The following IPCEF1 variants were observed in gnomAD, a reference collection of about 807,000 sequenced individuals.
IPCEF1 encodes the protein interaction protein for cytohesin exchange factors 1.
In IPCEF1, 31 loss-of-function variants were observed where a neutral mutation model predicts 50.9. The ratio of observed to expected loss-of-function variants is 0.61; its 90% confidence interval spans 0.46 to 0.82. The LOEUF (loss-of-function observed/expected upper bound fraction) is 0.82. Among genes scored for constraint, IPCEF1 ranks in the 40% least tolerant of loss-of-function variants. The pLI is 0.00. For synonymous variants in IPCEF1, 181 were observed against 192.0 expected (o/e 0.94, Z 0.47); for missense variants, 458 against 514.0 (o/e 0.89, Z 1.05).
At chr6:154,329,805 A>G (rs1437432267) in intron 1 of IPCEF1, among the ~76,000 whole-genome samples, 4 of 152,212 alleles carry the variant, frequency 2.6e-5, no homozygotes, top group Non-Finnish European at 5.9e-5. Context: ...ATGCTTCCAA[A>G]AAGTGAGAGA....
intron 1 of IPCEF1, among the ~76,000 whole-genome samples, chr6:154,296,271 G>T (rs1782654853): frequency 6.6e-6 from 1 of 152,144 alleles, no homozygotes; most frequent in African/African-American, 2.4e-5. Context: ...CCAGAGGCAG[G>T]GGAAGAGCTG....
intron 11 of IPCEF1, among the ~76,000 whole-genome samples, chr6:154,161,013 C>G (rs1798969592): frequency 6.6e-6 from 1 of 152,144 alleles, no homozygotes; most frequent in South Asian, 2.1e-4. Flanking sequence ...TTTGTTGATA[C>G]TCTGCTTCCT....
chr6:154,315,834 G>C (rs922689452), intron 1 of IPCEF1, among the ~76,000 whole-genome samples: 2 of 151,752 alleles, frequency 1.3e-5, no homozygotes, highest in African/African-American at 2.4e-5. Flanking sequence ...ATTTTTTTTG[G>C]GGGGGAGCGG....
chr6:154,212,953 C>A lies in IPCEF1; in HGVS notation c.452-98G>T, dbSNP rs148122571. 3.9e-5 allele frequency: 32 copies of A among 812,072 alleles called. No individual in the cohort carries two copies. In the African/African-American group the frequency reaches 4.6e-4, roughly 12 times the overall value. 50.3% of individuals were successfully genotyped at this position (812,072 alleles called of 1,614,324 possible). A position where few individuals can be genotyped will look rare whatever the true frequency, so the allele number is the denominator to read the frequency against. On this transcript the variant is annotated intron_variant, in intron 8 of 11. Transcript: ENST00000367220. The stretch of plus-strand genomic sequence containing the variant: ...TATCTCCATCTGGCTATTGCAATTT[C>A]AATCCAATTCAGAAAGTTCATATCT...
At chr6:154,339,423 T>C (rs1475891993) in intron 1 of IPCEF1, among the ~76,000 whole-genome samples, 2 of 151,274 alleles carry the variant, frequency 1.3e-5, no homozygotes, top group Non-Finnish European at 2.9e-5. Flanking sequence ...ACTTTTATCT[T>C]TTTTTAATCT....
intron 3 of IPCEF1, 32 bp downstream of exon 3, chr6:154,265,880 C>A: frequency 6.6e-7 from 1 of 1,517,180 alleles, no homozygotes; most frequent in Non-Finnish European, 9.0e-7. Context: ...CTGACAATAT[C>A]TAAAGCCTGG....
At chr6:154,211,241 C>A (rs1204261097) in intron 9 of IPCEF1, among the ~76,000 whole-genome samples, 1 of 151,934 alleles carries the variant, frequency 6.6e-6, no homozygotes, top group Non-Finnish European at 1.5e-5. Flanking sequence ...ACGGTGAAAT[C>A]CCGTCTCTAC....
intron 1 of IPCEF1, among the ~76,000 whole-genome samples, chr6:154,350,512 A>T (rs370543686): frequency 7.9e-5 from 12 of 152,264 alleles, no homozygotes; most frequent in African/African-American, 2.7e-4. Context: ...GCCACAAGTT[A>T]ACTTCATAGA....
At chr6:154,336,476 G>A (rs1472596054) in intron 1 of IPCEF1, among the ~76,000 whole-genome samples, 11 of 152,190 alleles carry the variant, frequency 7.2e-5, no homozygotes, top group African/African-American at 1.4e-4. Context: ...AGTTGATCTC[G>A]TGGAGATAGA....
intron 10 of IPCEF1, among the ~76,000 whole-genome samples, chr6:154,174,592 T>C (rs748832128): frequency 1.3e-5 from 2 of 152,108 alleles, no homozygotes; most frequent in Non-Finnish European, 2.9e-5. Context: ...TACATAATGG[T>C]AAAGAGCTCA....
At chr6:154,348,049 T>C (rs1241285850) in intron 1 of IPCEF1, among the ~76,000 whole-genome samples, 2 of 152,112 alleles carry the variant, frequency 1.3e-5, no homozygotes, top group Non-Finnish European at 2.9e-5. Flanking sequence ...TCAGCCCACT[T>C]ACTGTGTTTT....
At chr6:154,349,384 T>TTTTA (rs1330053694) in intron 1 of IPCEF1, among the ~76,000 whole-genome samples, 4 of 99,632 alleles carry the variant, frequency 4.0e-5, no homozygotes, top group African/African-American at 1.2e-4. Context: ...TTTTATTTTA[T>TTTTA]TTTATTTATT....
chr6:154,258,899 T>C (rs1583914633), intron 3 of IPCEF1, among the ~76,000 whole-genome samples: 1 of 152,302 alleles, frequency 6.6e-6, no homozygotes, highest in Admixed American at 6.5e-5. Context: ...TGACATAAAG[T>C]AAGCACTCAA....
intron 2 of IPCEF1, among the ~76,000 whole-genome samples, chr6:154,282,431 C>T (rs868464730): frequency 6.6e-6 from 1 of 152,094 alleles, no homozygotes; most frequent in Non-Finnish European, 1.5e-5. Flanking sequence ...GCCTGTAATC[C>T]CAGCACTTTG....
At chr6:154,268,525 A>C (rs183920040) in intron 2 of IPCEF1, among the ~76,000 whole-genome samples, 1 of 152,204 alleles carries the variant, frequency 6.6e-6, no homozygotes, top group Middle Eastern at 3.2e-3. Context: ...CACTGCAAGA[A>C]CATCCTAACT....
intron 10 of IPCEF1, among the ~76,000 whole-genome samples, chr6:154,178,390 A>G (rs983259602): frequency 6.6e-6 from 1 of 152,204 alleles, no homozygotes; most frequent in Non-Finnish European, 1.5e-5. Context: ...GGCATATAAT[A>G]TATTCCCTAC....
intron 3 of IPCEF1, among the ~76,000 whole-genome samples, chr6:154,261,369 CAA>C (rs1416729410): frequency 1.3e-4 from 20 of 152,220 alleles, no homozygotes; most frequent in Admixed American, 6.5e-4. Context: ...GACATTGAAC[CAA>C]TGTAAGCAGG....
intron 1 of IPCEF1, among the ~76,000 whole-genome samples, chr6:154,317,072 C>T (rs1177231578): frequency 2.6e-5 from 4 of 151,918 alleles, no homozygotes; most frequent in Admixed American, 1.3e-4. Context: ...ATTTCTTACT[C>T]AGGATACGGA....
At chr6:154,290,365 C>T (rs1583952309) in intron 1 of IPCEF1, among the ~76,000 whole-genome samples, 1 of 152,254 alleles carries the variant, frequency 6.6e-6, no homozygotes, top group East Asian at 1.9e-4. Context: ...AGACAGAAAC[C>T]CCTGTACCAT....
Sources: gnomAD v4.1 joint callset for allele counts (sites outside exome capture counted in the v4.1 genomes callset) on GRCh38, gnomAD v4.1.1 for gene constraint, MANE v1.5 for transcripts, NCBI Gene and HGNC (gene_info 2026-07-23, HGNC 2026-07-21) for gene names.